FBXL7: variants seen among roughly 807,000 people sequenced by gnomAD.
The protein encoded by FBXL7 is F-box/LRR-repeat protein 7.
In FBXL7, 12 loss-of-function variants were observed where a neutral mutation model predicts 38.3. The ratio of observed to expected loss-of-function variants is 0.31; its 90% CI spans 0.20 to 0.51. The LOEUF (loss-of-function observed/expected upper bound fraction) is 0.51, where lower values mean the gene tolerates loss of function less well. Ranked by LOEUF, FBXL7 falls within the 20% of genes least tolerant of loss-of-function variation. The pLI is 0.98. For missense variants in FBXL7, 567 were observed against 676.4 expected (o/e 0.84, Z 1.79); for synonymous variants, 297 against 300.9 (o/e 0.99, Z 0.13).
chr5:15,713,895 T>C (rs530913337), intron 2 of FBXL7, among the ~76,000 whole-genome samples: 1 of 152,360 alleles, frequency 6.6e-6, no homozygotes, highest in Non-Finnish European at 1.5e-5. Flanking sequence ...CTTGATTTTG[T>C]TCTTTAAATA....
chr5:15,874,752 G>A (rs1487587567), intron 2 of FBXL7, among the ~76,000 whole-genome samples: 5 of 152,108 alleles, frequency 3.3e-5, no homozygotes, highest in African/African-American at 1.2e-4. Context: ...CACTGCTCAA[G>A]GAAATCAGAG....
Position 15,690,916 on chromosome 5 carries a change from G to T in FBXL7, c.127+74844G>T, listed in dbSNP as rs189628743. Among the ~76,000 whole-genome samples the T allele has an allele frequency of 2.0e-3, 306 of 152,286 alleles. 1 individual carries two copies. Among genetic ancestry groups the T allele is most frequent in the African/African-American group, 7.0e-3 (290 of 41,558 alleles). ...ATGGATTTAGAGGTTAGAGGAAAATGAGTTGTTTTCTGTGCTTGGAGTGTT... is the reference window on the plus strand; with the variant it reads ...ATGGATTTAGAGGTTAGAGGAAAATTAGTTGTTTTCTGTGCTTGGAGTGTT... On this transcript the variant is annotated intron_variant, in intron 2 of 3. Transcript: ENST00000504595.
chr5:15,930,946 G>A (rs1227216695), intron 3 of FBXL7, among the ~76,000 whole-genome samples: 1 of 152,150 alleles, frequency 6.6e-6, no homozygotes, highest in Non-Finnish European at 1.5e-5. Flanking sequence ...GTTCTCTTTA[G>A]TTTTACAGCT....
At chr5:15,723,610 G>T (rs959036986) in intron 2 of FBXL7, among the ~76,000 whole-genome samples, 3 of 152,194 alleles carry the variant, frequency 2.0e-5, no homozygotes, top group Non-Finnish European at 4.4e-5. Flanking sequence ...ACAGTCGAAG[G>T]ACACAGCCTC....
chr5:15,800,548 G>C (rs972481718), intron 2 of FBXL7, among the ~76,000 whole-genome samples: 2 of 152,208 alleles, frequency 1.3e-5, no homozygotes, highest in Non-Finnish European at 1.5e-5. Flanking sequence ...CTGCAAGCCA[G>C]GCACTTGATG....
intron 1 of FBXL7, among the ~76,000 whole-genome samples, chr5:15,578,017 G>A (rs1739025253): frequency 6.6e-6 from 1 of 152,122 alleles, no homozygotes; most frequent in Non-Finnish European, 1.5e-5. Flanking sequence ...CTTGTTTATG[G>A]GATGTGTGGT....
At chr5:15,927,787 A>AAAT in intron 2 of FBXL7, 103 bp from the exon 3 acceptor site, 2 of 751,936 alleles carry the variant, frequency 2.7e-6, no homozygotes, top group East Asian at 3.1e-5. Flanking sequence ...AAAAAAAAAA[A>AAAT]GAAGAAGAAA....
At chr5:15,882,768 A>T (rs1353564039) in intron 2 of FBXL7, among the ~76,000 whole-genome samples, 1 of 152,192 alleles carries the variant, frequency 6.6e-6, no homozygotes, top group Non-Finnish European at 1.5e-5. Context: ...CAGAACCCTA[A>T]GATTAAACTG....
intron 2 of FBXL7, among the ~76,000 whole-genome samples, chr5:15,677,616 TGTGAGCACTAACTGTAATTTCTCA>T (rs1324024769): frequency 2.6e-5 from 4 of 151,900 alleles, no homozygotes; most frequent in Non-Finnish European, 5.9e-5. Context: ...TTGTAAAAGG[TGTGAGCACTAACTGTAATTTCTCA>T]GTGAAATCTT....
intron 2 of FBXL7, among the ~76,000 whole-genome samples, chr5:15,810,266 T>C (rs1737824027): frequency 6.6e-6 from 1 of 152,034 alleles, no homozygotes. Flanking sequence ...ATATTTAATA[T>C]TAAAAAGTAT....
At chr5:15,640,128 A>G (rs903195475) in intron 2 of FBXL7, among the ~76,000 whole-genome samples, 47 of 152,198 alleles carry the variant, frequency 3.1e-4, no homozygotes, top group African/African-American at 1.1e-3. Context: ...ATAACAAAGT[A>G]TAATACCACA....
chr5:15,714,936 C>T (rs980675288), intron 2 of FBXL7, among the ~76,000 whole-genome samples: 3 of 150,474 alleles, frequency 2.0e-5, no homozygotes, highest in African/African-American at 7.3e-5. Flanking sequence ...GAGGTGCTGG[C>T]TTTGAAGATG....
intron 1 of FBXL7, among the ~76,000 whole-genome samples, chr5:15,533,030 G>A (rs962935274): frequency 1.3e-5 from 2 of 152,222 alleles, no homozygotes; most frequent in Non-Finnish European, 2.9e-5. Flanking sequence ...GAAGGCTAAT[G>A]TGTTACAGAC....
At chr5:15,515,840 A>G (rs2126364288) in intron 1 of FBXL7, among the ~76,000 whole-genome samples, 1 of 152,338 alleles carries the variant, frequency 6.6e-6, no homozygotes, top group Admixed American at 6.5e-5. Context: ...ATACTAGTTT[A>G]TTAGTCATTT....
At chr5:15,531,255 C>G (rs1737422017) in intron 1 of FBXL7, among the ~76,000 whole-genome samples, 1 of 151,968 alleles carries the variant, frequency 6.6e-6, no homozygotes, top group Non-Finnish European at 1.5e-5. Context: ...ATGAATAAAC[C>G]AGATCTATTT....
chr5:15,814,274 G>T (rs541857747), intron 2 of FBXL7, among the ~76,000 whole-genome samples: 4 of 152,208 alleles, frequency 2.6e-5, no homozygotes, highest in Admixed American at 6.6e-5. Context: ...CGTGTCCTTC[G>T]CAGGGACATG....
intron 2 of FBXL7, among the ~76,000 whole-genome samples, chr5:15,911,560 G>T (rs1315312622): frequency 2.6e-5 from 3 of 114,478 alleles, no homozygotes; most frequent in Non-Finnish European, 4.8e-5. Flanking sequence ...TTGTTCTGTT[G>T]CTGGTGAGGA....
intron 2 of FBXL7, among the ~76,000 whole-genome samples, chr5:15,807,758 G>A (rs1737751912): frequency 6.6e-6 from 1 of 151,804 alleles, no homozygotes. Context: ...TCCAGAAAGA[G>A]CTCTCGCTTA....
intron 2 of FBXL7, among the ~76,000 whole-genome samples, chr5:15,827,544 T>C (rs968013873): frequency 1.3e-5 from 2 of 152,204 alleles, no homozygotes; most frequent in African/African-American, 2.4e-5. Context: ...GATACCAGTA[T>C]CTGGTGAGGG....
Sources: gnomAD v4.1 joint callset for allele counts (sites outside exome capture counted in the v4.1 genomes callset) on GRCh38, gnomAD v4.1.1 for gene constraint, MANE v1.5 for transcripts, NCBI Gene and HGNC (gene_info 2026-07-23, HGNC 2026-07-21) for gene names.